Variants in POC1B observed in about 807,000 individuals in gnomAD.
POC1B encodes POC1 centriolar protein B, also known as POC1 centriolar protein homolog B.
POC1B carries 44 observed loss-of-function variants against 60.6 expected under a neutral mutation model. The ratio of observed to expected loss-of-function variants is 0.73; its 90% CI spans 0.57 to 0.93. The LOEUF is 0.93. Among genes scored for constraint, POC1B ranks in the 40% least tolerant of loss-of-function variants. The pLI is 0.00. For missense variants in POC1B, 555 were observed against 572.3 expected, an observed-to-expected ratio of 0.97 and a Z score of 0.31; for synonymous variants, 180 against 198.9, an observed-to-expected ratio of 0.90 and a Z score of 0.80.
intron 9 of POC1B, among the ~76,000 whole-genome samples, chr12:89,463,065 A>T (rs1437412235): frequency 6.6e-6 from 1 of 152,168 alleles, no homozygotes; most frequent in Non-Finnish European, 1.5e-5. Flanking sequence ...TAAATTGATC[A>T]CTTGTACTTT....
chr12:89,481,463 G>A (rs1452394987), intron 4 of POC1B, among the ~76,000 whole-genome samples: 5 of 152,140 alleles, frequency 3.3e-5, no homozygotes, highest in African/African-American at 1.2e-4. Context: ...TTCTACATAG[G>A]AGCACTTTCT....
intron 2 of POC1B, 71 bp from the exon 3 acceptor site, chr12:89,497,413 G>A: frequency 6.9e-7 from 1 of 1,454,782 alleles, no homozygotes; most frequent in Non-Finnish European, 9.4e-7. Context: ...ATTACAATGA[G>A]CAGCATATCT....
At chr12:89,467,814 A>T in intron 7 of POC1B, 129 bp from the exon 8 acceptor site, 1 of 528,490 alleles carries the variant, frequency 1.9e-6, no homozygotes, top group Non-Finnish European at 3.2e-6. Context: ...AATAAAACAC[A>T]TCAGTTGCTA....
At chr12:89,505,833 G>A (rs918107573) in intron 2 of POC1B, among the ~76,000 whole-genome samples, 2 of 152,180 alleles carry the variant, frequency 1.3e-5, no homozygotes, top group East Asian at 1.9e-4. Context: ...CTGCAATCAC[G>A]CAGTCAGGAG....
chr12:89,420,654 G>C lies in POC1B; in HGVS notation c.*499C>G, dbSNP rs895367460. On this transcript the variant is annotated 3_prime_UTR_variant, in exon 12 of 12. Coordinates refer to ENST00000313546, the MANE Select transcript of POC1B (RefSeq NM_172240.3). ...ATTTGTTCATTCTTTCAAGGCATTA[G>C]TAAGAAAGGATAATTTCTATTTTGA... 1 of 152,360 alleles carries C rather than the reference G, an allele frequency of 6.6e-6. No individual in the cohort carries two copies. The highest frequency in any genetic ancestry group is 1.5e-5 in the Non-Finnish European group (1 of 68,146). 9.4% of individuals were successfully genotyped at this position (152,360 alleles called of 1,614,324 possible). A position where few individuals can be genotyped will look rare whatever the true frequency, so the allele number is the denominator to read the frequency against.
chr12:89,421,202 C>A lies in POC1B; in HGVS notation c.1388G>T (p.Cys463Phe). 6.2e-7 allele frequency: 1 copy of A among 1,603,040 alleles called. No individual in the cohort carries two copies. Among genetic ancestry groups the A allele is most frequent in the Non-Finnish European group, 8.5e-7 (1 of 1,171,476 alleles). ...LTLTEDKLKD[C>F]LENQQKLFSA... ...GAAAAGCTTTTGCTGATTTTCAAGG[C>A]AGTCTTTCAGCTTATCCTCTGTCAA... Residue 463 changes from cysteine (C) to phenylalanine (F), a missense_variant, in exon 12 of 12, where the codon TGC (cysteine) becomes TTC (phenylalanine). By Grantham distance (205) the Cys-to-Phe change is radical. Coordinates refer to ENST00000313546, the MANE Select transcript of POC1B (RefSeq NM_172240.3).
chr12:89,495,505 C>T lies in POC1B; in HGVS notation c.272+1666G>A, dbSNP rs533643119. Among the ~76,000 whole-genome samples, 3 of 152,298 alleles carry T rather than the reference C, an allele frequency of 2.0e-5. No homozygotes were observed. In the South Asian group the frequency reaches 6.2e-4, roughly 32 times the overall value. On this transcript the variant is annotated intron_variant, in intron 3 of 11. Coordinates refer to ENST00000313546, the MANE Select transcript of POC1B (RefSeq NM_172240.3). ...AAAAGCACCCACTGGCATGGGAATG[C>T]CCATGAGCTTTTCTTCATTTGGGAG...
At chr12:89,522,921 G>C in intron 2 of POC1B, 1 of 1,614,030 alleles carries the variant, frequency 6.2e-7, no homozygotes. Flanking sequence ...ACAGTCCTGA[G>C]TGTGGGTGAA....
At position 89,508,175 on chromosome 12, in the gene POC1B, G is replaced by A. The variant is rs1592637404; in HGVS notation, c.101-10833C>T. Among the ~76,000 whole-genome samples the A allele has an allele frequency of 4.6e-5, 7 of 152,212 alleles. 2 individuals carry two copies. The highest frequency in any genetic ancestry group is 4.6e-4 in the Admixed American group (7 of 15,278). ...ATACAAATGGTAGTATATTATTCTT[G>A]CTATTCTGCATTTTGCCTCTCTATC... is the stretch of plus-strand genomic sequence containing the variant. On this transcript the variant is annotated intron_variant, in intron 2 of 11. Transcript: ENST00000313546.
At chr12:89,491,038 G>C (rs1868938881) in intron 4 of POC1B, among the ~76,000 whole-genome samples, 1 of 151,922 alleles carries the variant, frequency 6.6e-6, no homozygotes, top group Non-Finnish European at 1.5e-5. Context: ...AGAGAGGAGG[G>C]CACTACACTG....
chr12:89,525,853 A>AC lies in POC1B; in HGVS notation c.15+27dup, dbSNP rs67346689. 9.7e-3 allele frequency: 13,583 copies of AC among 1,407,406 alleles called. 78 individuals carry two copies. The highest frequency in any genetic ancestry group is 0.011 in the Middle Eastern group (40 of 3,784). The allele number at this position is 1,407,406 out of a possible 1,614,324, so 87.2% of individuals were successfully genotyped here. ...CCCGCGGGACAGGCTCCAGGGAGGG[A>AC]CCCCCCCCACCTCCAACCCGTCCTT... On this transcript the variant is annotated intron_variant, in intron 1 of 11. Coordinates refer to ENST00000313546, the MANE Select transcript of POC1B (RefSeq NM_172240.3).
intron 10 of POC1B, among the ~76,000 whole-genome samples, chr12:89,447,557 TTAA>T (rs1322730011): frequency 1.3e-5 from 2 of 152,110 alleles, no homozygotes; most frequent in Non-Finnish European, 2.9e-5. Context: ...TTGCTTCAGC[TTAA>T]TGATGCATTT....
Position 89,478,077 on chromosome 12 carries a change from A to ACATTCATT in POC1B, c.453-5810_453-5803dup, listed in dbSNP as rs3990284. 3.0e-4 allele frequency among the ~76,000 whole-genome samples: 45 copies of ACATTCATT among 149,032 alleles called. 1 individual carries two copies. Among genetic ancestry groups the ACATTCATT allele is most frequent in the Admixed American group, 9.4e-4 (14 of 14,926 alleles). On this transcript the variant is annotated intron_variant, in intron 4 of 11. Coordinates refer to ENST00000313546, the MANE Select transcript of POC1B (RefSeq NM_172240.3). ...TGTGTTCTTGGAGTTGCCCACAACC[A>ACATTCATT]CATTCATTCATTCATTCATTCATTC... is the stretch of plus-strand genomic sequence containing the variant.
intron 2 of POC1B, among the ~76,000 whole-genome samples, chr12:89,514,029 T>C (rs1870315760): frequency 6.6e-6 from 1 of 152,118 alleles, no homozygotes. Context: ...TTTCCACCCA[T>C]CCTGTGAAAC....
At chr12:89,438,838 A>C (rs1422710719) in intron 10 of POC1B, among the ~76,000 whole-genome samples, 1 of 152,162 alleles carries the variant, frequency 6.6e-6, no homozygotes, top group Non-Finnish European at 1.5e-5. Flanking sequence ...CCTTTCCTTT[A>C]AGCTACAGAT....
At chr12:89,433,950 A>C (rs1881146746) in intron 10 of POC1B, among the ~76,000 whole-genome samples, 1 of 152,214 alleles carries the variant, frequency 6.6e-6, no homozygotes, top group South Asian at 2.1e-4. Context: ...CAAAGAATTC[A>C]TTTTCAATTC....
intron 10 of POC1B, among the ~76,000 whole-genome samples, chr12:89,438,982 A>ATCAT (rs1444831152): frequency 6.6e-6 from 1 of 152,228 alleles, no homozygotes; most frequent in Non-Finnish European, 1.5e-5. Flanking sequence ...TGAATGGCAC[A>ATCAT]TCATTGTATA....
At chr12:89,403,688 C>A in the POC1B span, among the ~76,000 whole-genome samples, 1 of 152,230 alleles carries the variant, frequency 6.6e-6, no homozygotes, top group South Asian at 2.1e-4. Flanking sequence ...TACCATTTCC[C>A]GGCCATGAAG....
chr12:89,471,292 T>C (rs922384939), intron 6 of POC1B, among the ~76,000 whole-genome samples: 7 of 152,232 alleles, frequency 4.6e-5, no homozygotes, highest in Non-Finnish European at 7.3e-5. Flanking sequence ...TGTGCTCACG[T>C]AACTCCCTGT....
Sources: gnomAD v4.1 joint callset for allele counts (sites outside exome capture counted in the v4.1 genomes callset) on GRCh38, gnomAD v4.1.1 for gene constraint, MANE v1.5 for transcripts, NCBI Gene and HGNC (gene_info 2026-07-23, HGNC 2026-07-21) for gene names.